CFAP77: variants seen among roughly 807,000 people sequenced by gnomAD.
The protein encoded by CFAP77 is cilia- and flagella-associated protein 77.
Under a neutral mutation model 31.1 loss-of-function variants are expected in CFAP77, and 25 were observed. That is an observed-to-expected ratio of 0.80 (90% CI 0.59 to 1.12). The LOEUF is 1.12. CFAP77 is among the 50% of genes most tolerant of loss of function. The probability of loss-of-function intolerance (pLI) is 0.00; values close to 1 mark genes in which losing one functional copy is unlikely to be tolerated. For missense variants in CFAP77, 377 were observed against 397.3 expected (o/e 0.95, Z 0.44); for synonymous variants, 151 against 159.9 (o/e 0.94, Z 0.42).
chr9:132,410,488 C>T (rs776279903), intron 1 of CFAP77, 22 bp downstream of exon 1: 74 of 1,533,850 alleles, frequency 4.8e-5, no homozygotes, highest in Middle Eastern at 1.7e-4. Context: ...ACGCCCACCG[C>T]GCTTTCGCTG....
chr9:132,516,403 T>C (rs1245023468), intron 3 of CFAP77, among the ~76,000 whole-genome samples: 1 of 152,112 alleles, frequency 6.6e-6, no homozygotes, highest in African/African-American at 2.4e-5. Flanking sequence ...GACATAATAG[T>C]AGTTCCTGTC....
chr9:132,443,948 C>T (rs764337209), intron 1 of CFAP77, among the ~76,000 whole-genome samples: 2 of 152,220 alleles, frequency 1.3e-5, no homozygotes, highest in Non-Finnish European at 2.9e-5. Context: ...TTCAATCAAC[C>T]GTTGAGTTCA....
rs145701812 is a variant in CFAP77 at position 132,566,314 on chromosome 9, A to G, written c.733-6074A>G. 4.8e-4 allele frequency among the ~76,000 whole-genome samples: 73 copies of G among 152,332 alleles called. No homozygotes were observed. In the East Asian group the frequency reaches 0.013, roughly 28 times the overall value. On this transcript the variant is annotated intron_variant, in intron 5 of 5. Transcript: ENST00000393216. ...CTTGAGTCTTGCAGCCCTGGGTTCA[A>G]TCGCTGAAATGAAGCAAATGACTTA... is the stretch of plus-strand genomic sequence containing the variant.
chr9:132,546,188 C>A (rs1852725228), intron 5 of CFAP77, among the ~76,000 whole-genome samples: 1 of 152,222 alleles, frequency 6.6e-6, no homozygotes, highest in Admixed American at 6.5e-5. Context: ...CCTGCTGAGC[C>A]TCCCCTTTCT....
At chr9:132,468,791 GCA>G (rs35585148) in intron 1 of CFAP77, among the ~76,000 whole-genome samples, 30 of 148,602 alleles carry the variant, frequency 2.0e-4, no homozygotes, top group East Asian at 3.9e-4. Context: ...ACACACACAC[GCA>G]CACACACACA....
intron 1 of CFAP77, among the ~76,000 whole-genome samples, chr9:132,427,781 C>G (rs2131687043): frequency 6.6e-6 from 1 of 152,302 alleles, no homozygotes; most frequent in East Asian, 1.9e-4. Flanking sequence ...GTAAAGGTGT[C>G]TATGTCCAAA....
At chr9:132,469,518 C>A (rs72765899) in intron 1 of CFAP77, among the ~76,000 whole-genome samples, 1,864 of 152,214 alleles carry the variant, frequency 0.012, 15 homozygotes, top group Non-Finnish European at 0.02. Context: ...ACCACGGCAG[C>A]TGAACAGGGG....
intron 1 of CFAP77, among the ~76,000 whole-genome samples, chr9:132,444,491 C>T (rs1352414439): frequency 6.6e-6 from 1 of 152,162 alleles, no homozygotes; most frequent in Non-Finnish European, 1.5e-5. Flanking sequence ...GTCCTCTTGG[C>T]TCATGGCCCG....
intron 1 of CFAP77, among the ~76,000 whole-genome samples, chr9:132,414,499 T>TCCCA (rs1850063047): frequency 1.4e-5 from 2 of 143,680 alleles, no homozygotes; most frequent in Non-Finnish European, 3.0e-5. Flanking sequence ...TAGCTCTTAT[T>TCCCA]CACACACACA....
chr9:132,492,816 G>C (rs1267842426), intron 1 of CFAP77, among the ~76,000 whole-genome samples: 1 of 152,222 alleles, frequency 6.6e-6, no homozygotes, highest in East Asian at 1.9e-4. Flanking sequence ...GAGTGGATGT[G>C]CTGCTCCTCT....
At chr9:132,493,749 T>C (rs372580786) in intron 1 of CFAP77, among the ~76,000 whole-genome samples, 22 of 152,272 alleles carry the variant, frequency 1.4e-4, no homozygotes, top group African/African-American at 5.3e-4. Flanking sequence ...CCCTTGTGTG[T>C]CTGGCTTCTT....
At chr9:132,479,082 C>A (rs1851400462) in intron 1 of CFAP77, among the ~76,000 whole-genome samples, 1 of 152,154 alleles carries the variant, frequency 6.6e-6, no homozygotes, top group African/African-American at 2.4e-5. Flanking sequence ...ACTCCTAATT[C>A]TTTAATGATT....
intron 3 of CFAP77, among the ~76,000 whole-genome samples, chr9:132,534,849 G>T (rs1447512483): frequency 6.6e-6 from 1 of 152,180 alleles, no homozygotes; most frequent in African/African-American, 2.4e-5. Context: ...CACGGCCATT[G>T]TTATTCTGTC....
intron 3 of CFAP77, among the ~76,000 whole-genome samples, chr9:132,521,778 T>TTTTTTTTTTTTTTTTTGTTTTG (rs533275755): frequency 2.8e-5 from 3 of 106,152 alleles, no homozygotes; most frequent in East Asian, 4.3e-4. Context: ...TTTTTTTTTT[T>TTTTTTTTTTTTTTTTTGTTTTG]TTTTTTGAGA....
chr9:132,530,008 A>G (rs1852411646), intron 3 of CFAP77, among the ~76,000 whole-genome samples: 1 of 151,904 alleles, frequency 6.6e-6, no homozygotes, highest in African/African-American at 2.4e-5. Context: ...GTGATATCAT[A>G]GTCTTCATTT....
chr9:132,534,543 C>T (rs1003303437), intron 3 of CFAP77, among the ~76,000 whole-genome samples: 6 of 142,732 alleles, frequency 4.2e-5, no homozygotes, highest in African/African-American at 1.1e-4. Context: ...ACCCAGGAGG[C>T]GGAGCTTGCA....
intron 1 of CFAP77, among the ~76,000 whole-genome samples, chr9:132,438,868 T>C (rs2131700151): frequency 6.6e-6 from 1 of 150,920 alleles, no homozygotes; most frequent in East Asian, 1.9e-4. Context: ...TTTTTCTTTT[T>C]TCTTTTCTTT....
intron 1 of CFAP77, among the ~76,000 whole-genome samples, chr9:132,492,589 T>G (rs1454830944): frequency 6.6e-6 from 1 of 152,238 alleles, no homozygotes; most frequent in African/African-American, 2.4e-5. Context: ...CACTCAGCCA[T>G]GCGGCTTTGG....
chr9:132,543,876 C>CG (rs1852687970), intron 5 of CFAP77, among the ~76,000 whole-genome samples: 1 of 152,110 alleles, frequency 6.6e-6, no homozygotes, highest in South Asian at 2.1e-4. Flanking sequence ...ATGTAAGAGC[C>CG]GGGGGCACCG....
Sources: allele counts gnomAD v4.1 joint callset (sites outside exome capture counted in the v4.1 genomes callset), GRCh38; gene constraint gnomAD v4.1.1; transcripts MANE v1.5; gene names NCBI Gene and HGNC (gene_info 2026-07-23, HGNC 2026-07-21).